The following SUMF1 variants were observed in gnomAD, a reference collection of about 807,000 sequenced individuals.
The protein encoded by SUMF1 is sulfatase modifying factor 1.
A neutral mutation model predicts 47.6 loss-of-function variants in SUMF1; 48 were observed. That is an observed-to-expected ratio of 1.01 (90% CI 0.80 to 1.28). SUMF1 has a LOEUF of 1.28. Among genes scored for constraint, SUMF1 ranks in the 50% most tolerant of loss-of-function variants. SUMF1 has a pLI of 0.00. For synonymous variants in SUMF1, 230 were observed against 192.1 expected (o/e 1.20, Z -1.63); for missense variants, 571 against 485.4 (o/e 1.18, Z -1.66).
chr3:4,045,553 G>C (rs1694991039), intron 9 of SUMF1, among the ~76,000 whole-genome samples: 1 of 151,992 alleles, frequency 6.6e-6, no homozygotes. Context: ...ATAAATGTAA[G>C]GATGTGTATG....
chr3:4,111,278 T>C (rs73129194), intron 8 of SUMF1, among the ~76,000 whole-genome samples: 6,443 of 152,114 alleles, frequency 0.042, 240 homozygotes, highest in African/African-American at 0.091. Flanking sequence ...CAATCCATGA[T>C]TGGTTGAAAA....
chr3:4,141,074 A>C (rs1694060863), intron 8 of SUMF1, among the ~76,000 whole-genome samples: 1 of 152,144 alleles, frequency 6.6e-6, no homozygotes, highest in Admixed American at 6.6e-5. Context: ...AGAAGCATAT[A>C]ATGAGATTAG....
chr3:4,403,668 T>G (rs1701285408), intron 7 of SUMF1, among the ~76,000 whole-genome samples: 1 of 152,160 alleles, frequency 6.6e-6, no homozygotes, highest in Non-Finnish European at 1.5e-5. Flanking sequence ...AGTTGACACT[T>G]CAAGGAGGAT....
At chr3:4,125,811 G>A (rs1693643359) in intron 8 of SUMF1, among the ~76,000 whole-genome samples, 1 of 152,074 alleles carries the variant, frequency 6.6e-6, no homozygotes, top group Admixed American at 6.6e-5. Context: ...TGGGTAGCAG[G>A]GACTACAGGT....
chr3:4,278,962 C>A (rs543296715), intron 8 of SUMF1, among the ~76,000 whole-genome samples: 1 of 152,198 alleles, frequency 6.6e-6, no homozygotes, highest in Non-Finnish European at 1.5e-5. Context: ...CTGTGTTTAT[C>A]ATCTAGGCTT....
At chr3:4,369,050 T>C (rs886366301) in intron 8 of SUMF1, among the ~76,000 whole-genome samples, 1 of 57,498 alleles carries the variant, frequency 1.7e-5, no homozygotes, top group East Asian at 3.4e-4. Flanking sequence ...GCAAAAGGTT[T>C]TTTTTTTTTT....
chr3:4,146,636 G>T (rs1347807167), intron 8 of SUMF1, among the ~76,000 whole-genome samples: 2 of 151,728 alleles, frequency 1.3e-5, no homozygotes, highest in South Asian at 2.1e-4. Context: ...GCTGCACCCA[G>T]TAACTCGTCA....
At chr3:4,415,559 TC>T (rs1367093318) in intron 6 of SUMF1, among the ~76,000 whole-genome samples, 1 of 152,164 alleles carries the variant, frequency 6.6e-6, no homozygotes, top group Non-Finnish European at 1.5e-5. Flanking sequence ...ATGCCTATAA[TC>T]CCAACACTTT....
At chr3:4,069,661 T>C (rs1362858455) in intron 8 of SUMF1, among the ~76,000 whole-genome samples, 1 of 152,172 alleles carries the variant, frequency 6.6e-6, no homozygotes, top group African/African-American at 2.4e-5. Flanking sequence ...TGATTTTTTA[T>C]CTGGCCCAAA....
intron 8 of SUMF1, among the ~76,000 whole-genome samples, chr3:4,290,545 G>A (rs1697719388): frequency 6.6e-6 from 1 of 152,164 alleles, no homozygotes; most frequent in Non-Finnish European, 1.5e-5. Context: ...TGGAACATCA[G>A]CTGTTCATGC....
chr3:4,303,576 G>A, intron 8 of SUMF1: 1 of 1,346,494 alleles, frequency 7.4e-7, no homozygotes, highest in Non-Finnish European at 9.5e-7. Flanking sequence ...GCTCCCCCAC[G>A]TGGTCTCCTC....
intron 6 of SUMF1, among the ~76,000 whole-genome samples, chr3:4,415,983 T>C (rs1019530167): frequency 6.6e-6 from 1 of 152,274 alleles, no homozygotes; most frequent in Middle Eastern, 3.4e-3. Flanking sequence ...GCCTCCAGAA[T>C]TGCAAGAAAT....
At chr3:4,286,490 G>A (rs1233731838) in intron 8 of SUMF1, among the ~76,000 whole-genome samples, 1 of 152,094 alleles carries the variant, frequency 6.6e-6, no homozygotes, top group African/African-American at 2.4e-5. Flanking sequence ...CAACTTATTT[G>A]AAGAAAGAAT....
chr3:4,125,167 T>C (rs967688630), intron 8 of SUMF1, among the ~76,000 whole-genome samples: 1 of 152,102 alleles, frequency 6.6e-6, no homozygotes, highest in African/African-American at 2.4e-5. Context: ...TGCTGTACAA[T>C]ACAATAGCCA....
rs71313812 is a variant in SUMF1 at position 4,167,197 on chromosome 3, G to A, written c.1015-98452C>T. On this transcript the variant is annotated intron_variant and NMD_transcript_variant, in intron 8 of 12. Coordinates refer to the SUMF1 transcript ENST00000448413. ...AAGGTGGCACAGACCCAAAGAGTGA[G>A]CAGCCGCAAGATTTATTGTGAAGAG... Among the ~76,000 whole-genome samples, 774 of 152,220 alleles carry A rather than the reference G, an allele frequency of 5.1e-3. 6 individuals are homozygous for A. The highest frequency in any genetic ancestry group is 0.041 in the Middle Eastern group (12 of 294).
intron 8 of SUMF1, among the ~76,000 whole-genome samples, chr3:4,202,361 G>A (rs1308188782): frequency 6.6e-6 from 1 of 151,934 alleles, no homozygotes; most frequent in Non-Finnish European, 1.5e-5. Context: ...TGAAGAGACT[G>A]TCCTTCCCTC....
chr3:4,178,490 G>A (rs13097900), intron 8 of SUMF1, among the ~76,000 whole-genome samples: 52,580 of 151,942 alleles, frequency 0.35, 9,794 homozygotes, highest in Middle Eastern at 0.44. Flanking sequence ...AAATTCAACA[G>A]CCCTTCATGC....
chr3:4,255,847 T>C (rs1430384914), intron 8 of SUMF1, among the ~76,000 whole-genome samples: 2 of 93,772 alleles, frequency 2.1e-5, no homozygotes, highest in African/African-American at 5.2e-5. Context: ...TATTCCAAAA[T>C]TGACCACATA....
intron 8 of SUMF1, among the ~76,000 whole-genome samples, chr3:4,267,151 A>C (rs911446816): frequency 3.9e-5 from 6 of 152,108 alleles, no homozygotes; most frequent in Non-Finnish European, 8.8e-5. Context: ...GGATTTCTGC[A>C]TCAATGTTCA....
Sources: gnomAD v4.1 joint callset for allele counts (sites outside exome capture counted in the v4.1 genomes callset) on GRCh38, gnomAD v4.1.1 for gene constraint, MANE v1.5 for transcripts, NCBI Gene and HGNC (gene_info 2026-07-23, HGNC 2026-07-21) for gene names.